The following TMEM132C variants were observed in gnomAD, a reference collection of about 807,000 sequenced individuals.
TMEM132C encodes transmembrane protein 132C.
Under a neutral mutation model 61.4 loss-of-function variants are expected in TMEM132C, and 29 were observed. That is an observed-to-expected ratio of 0.47 (90% CI 0.35 to 0.64). The LOEUF (loss-of-function observed/expected upper bound fraction) is 0.64. Among genes scored for constraint, TMEM132C ranks in the 30% least tolerant of loss-of-function variants. TMEM132C has a pLI of 0.00. For synonymous variants in TMEM132C, 656 were observed against 633.1 expected (o/e 1.04, Z -0.54); for missense variants, 1,408 against 1,476.9 (o/e 0.95, Z 0.76).
intron 8 of TMEM132C, 141 bp from the exon 9 acceptor site, chr12:128,704,949 A>C: frequency 1.1e-6 from 1 of 902,048 alleles, no homozygotes; most frequent in Non-Finnish European, 1.6e-6. Context: ...GAAAACCTGT[A>C]TGATTTCTCC....
chr12:128,560,693 C>A (rs1041800780), intron 3 of TMEM132C, among the ~76,000 whole-genome samples: 6 of 152,174 alleles, frequency 3.9e-5, no homozygotes, highest in African/African-American at 9.7e-5. Flanking sequence ...ATCGCCCTCA[C>A]GTCTGTGTGT....
intron 1 of TMEM132C, among the ~76,000 whole-genome samples, chr12:128,272,340 A>T (rs998752075): frequency 1.3e-5 from 2 of 152,202 alleles, no homozygotes; most frequent in Non-Finnish European, 2.9e-5. Context: ...ATAGTCACCT[A>T]TGTATCAATA....
intron 2 of TMEM132C, among the ~76,000 whole-genome samples, chr12:128,493,762 G>A (rs1871837251): frequency 6.6e-6 from 1 of 152,076 alleles, no homozygotes; most frequent in African/African-American, 2.4e-5. Flanking sequence ...GAGACGATGG[G>A]GTTTTCTAGG....
At chr12:128,543,829 C>A (rs963935963) in intron 2 of TMEM132C, 128 bp from the exon 3 acceptor site, 4 of 1,288,070 alleles carry the variant, frequency 3.1e-6, no homozygotes, top group Non-Finnish European at 4.2e-6. Context: ...AGCTTTGCCT[C>A]TCACTAGATA....
At chr12:128,408,016 G>A (rs1384180740) in intron 1 of TMEM132C, among the ~76,000 whole-genome samples, 1 of 147,936 alleles carries the variant, frequency 6.8e-6, no homozygotes, top group Middle Eastern at 3.4e-3. Flanking sequence ...ACAAGGCCTT[G>A]CTCCTTTCTT....
chr12:128,495,726 C>G (rs1041066031), intron 2 of TMEM132C, among the ~76,000 whole-genome samples: 6 of 152,064 alleles, frequency 3.9e-5, no homozygotes, highest in South Asian at 2.1e-4. Flanking sequence ...CTATGTGTGT[C>G]TCTGCACGTG....
At chr12:128,512,594 T>C (rs1266334563) in intron 2 of TMEM132C, among the ~76,000 whole-genome samples, 1 of 152,174 alleles carries the variant, frequency 6.6e-6, no homozygotes, top group Admixed American at 6.5e-5. Context: ...CAGATAGCCT[T>C]GTGGATATGC....
At chr12:128,696,997 A>C (rs898146409) in intron 7 of TMEM132C, among the ~76,000 whole-genome samples, 1 of 152,230 alleles carries the variant, frequency 6.6e-6, no homozygotes, top group Non-Finnish European at 1.5e-5. Context: ...TTTAATATCT[A>C]TTCCAATTTT....
intron 1 of TMEM132C, among the ~76,000 whole-genome samples, chr12:128,330,879 GA>G (rs1165032568): frequency 7.3e-5 from 11 of 151,168 alleles, no homozygotes; most frequent in Admixed American, 5.9e-4. Flanking sequence ...TTATAAAAAT[GA>G]AAAGACCTTT....
intron 3 of TMEM132C, among the ~76,000 whole-genome samples, chr12:128,578,311 C>T (rs1875196834): frequency 6.6e-6 from 1 of 152,200 alleles, no homozygotes; most frequent in African/African-American, 2.4e-5. Flanking sequence ...GGCCCCACCT[C>T]CCACACTGGT....
intron 1 of TMEM132C, among the ~76,000 whole-genome samples, chr12:128,363,793 C>T (rs1163290699): frequency 6.1e-5 from 9 of 147,172 alleles, no homozygotes; most frequent in Non-Finnish European, 1.0e-4. Context: ...TGCAGTGAGC[C>T]GAGATCACAT....
chr12:128,282,112 T>TC (rs1870917994), intron 1 of TMEM132C, among the ~76,000 whole-genome samples: 1 of 152,220 alleles, frequency 6.6e-6, no homozygotes, highest in Non-Finnish European at 1.5e-5. Flanking sequence ...AGAACTTTTG[T>TC]CCCATGAACC....
intron 1 of TMEM132C, among the ~76,000 whole-genome samples, chr12:128,286,588 A>T (rs1460990236): frequency 6.6e-6 from 1 of 152,256 alleles, no homozygotes; most frequent in African/African-American, 2.4e-5. Context: ...AAAATAAAAA[A>T]TTGTTAAATG....
In TMEM132C at chr12:128,556,157, G is replaced by A. The variant is rs545075363; in HGVS notation, c.1121+12054G>A. Among the ~76,000 whole-genome samples the A allele has an allele frequency of 2.0e-4, 31 of 152,328 alleles. No homozygotes were observed. The South Asian group carries it at 5.4e-3, about 26-fold the overall frequency. ...CTGAAGGAAGATTTTACTGGAGACCGAAGGGCCAGATCTGGCATCCCAAGC... is the reference window on the plus strand; with the variant it reads ...CTGAAGGAAGATTTTACTGGAGACCAAAGGGCCAGATCTGGCATCCCAAGC... On this transcript the variant is annotated intron_variant, in intron 3 of 8. Coordinates refer to ENST00000435159, the MANE Select transcript of TMEM132C (RefSeq NM_001136103.3).
At chr12:128,438,157 AC>A (rs1421183040) in intron 2 of TMEM132C, 1 of 151,422 alleles carries the variant, frequency 6.6e-6, no homozygotes, top group Non-Finnish European at 1.5e-5. Context: ...CCTTCTTAAA[AC>A]CCCTACTATG....
At chr12:128,587,413 C>T (rs1398179530) in intron 3 of TMEM132C, among the ~76,000 whole-genome samples, 2 of 152,208 alleles carry the variant, frequency 1.3e-5, no homozygotes, top group Non-Finnish European at 2.9e-5. Context: ...GGTAATGTCA[C>T]TAAGCCAAGT....
At chr12:128,583,356 A>G (rs2135560853) in intron 3 of TMEM132C, among the ~76,000 whole-genome samples, 1 of 151,764 alleles carries the variant, frequency 6.6e-6, no homozygotes, top group East Asian at 1.9e-4. Context: ...TATTTCAGTG[A>G]TGAGATTCTA....
intron 2 of TMEM132C, among the ~76,000 whole-genome samples, chr12:128,498,289 C>T (rs1464718620): frequency 2.6e-5 from 4 of 152,016 alleles, no homozygotes; most frequent in Non-Finnish European, 5.9e-5. Flanking sequence ...GCCAAAACAT[C>T]AGGCAGGAAA....
intron 4 of TMEM132C, among the ~76,000 whole-genome samples, chr12:128,627,168 C>T (rs965660449): frequency 6.6e-6 from 1 of 152,236 alleles, no homozygotes; most frequent in Non-Finnish European, 1.5e-5. Context: ...GCGTTCCCTG[C>T]CCCCATTCCA....
Sources: allele counts gnomAD v4.1 joint callset (sites outside exome capture counted in the v4.1 genomes callset), GRCh38; gene constraint gnomAD v4.1.1; transcripts MANE v1.5; gene names NCBI Gene and HGNC (gene_info 2026-07-23, HGNC 2026-07-21).